Variants in PCSK2 observed in about 807,000 individuals in gnomAD.
PCSK2 encodes the protein neuroendocrine convertase 2.
Under a neutral mutation model 69.7 loss-of-function variants are expected in PCSK2, and 14 were observed. The ratio of observed to expected loss-of-function variants is 0.20; its 90% CI spans 0.13 to 0.31. PCSK2 has a LOEUF of 0.31. PCSK2 is among the 10% of genes least tolerant of loss of function. The pLI, the probability that PCSK2 is intolerant of heterozygous loss-of-function variation, is 1.00. For missense variants in PCSK2, 544 were observed against 842.5 expected (o/e 0.65, Z 4.39); for synonymous variants, 307 against 320.7 (o/e 0.96, Z 0.46).
chr20:17,362,972 A>G (rs2030452973), intron 4 of PCSK2, among the ~76,000 whole-genome samples: 1 of 152,230 alleles, frequency 6.6e-6, no homozygotes, highest in Non-Finnish European at 1.5e-5. Flanking sequence ...AAGGCTGGCA[A>G]CATCAGTACT....
chr20:17,412,286 A>G (rs1394108115), intron 6 of PCSK2, among the ~76,000 whole-genome samples: 1 of 152,204 alleles, frequency 6.6e-6, no homozygotes, highest in Non-Finnish European at 1.5e-5. Flanking sequence ...ACCTTGAAAA[A>G]AGGTTAGATG....
chr20:17,471,827 C>T (rs955320630), intron 11 of PCSK2, among the ~76,000 whole-genome samples: 9 of 152,172 alleles, frequency 5.9e-5, no homozygotes, highest in East Asian at 5.8e-4. Context: ...CTTGTGACCA[C>T]GAAGCACACT....
chr20:17,343,038 G>A (rs1263941369), intron 2 of PCSK2, among the ~76,000 whole-genome samples: 11 of 152,096 alleles, frequency 7.2e-5, no homozygotes, highest in Non-Finnish European at 1.5e-4. Context: ...TGTACAGAAA[G>A]CTTAAAAAAC....
intron 5 of PCSK2, among the ~76,000 whole-genome samples, chr20:17,407,222 G>C (rs2031771521): frequency 6.6e-6 from 1 of 152,088 alleles, no homozygotes. Flanking sequence ...GCCTCTCTGA[G>C]GTTGGACATC....
chr20:17,416,424 C>T (rs1349037476), intron 6 of PCSK2, among the ~76,000 whole-genome samples: 1 of 152,202 alleles, frequency 6.6e-6, no homozygotes, highest in African/African-American at 2.4e-5. Flanking sequence ...TGAAAAAATG[C>T]TCATCATCAT....
chr20:17,369,995 A>C (rs936858181), intron 5 of PCSK2, among the ~76,000 whole-genome samples: 14 of 152,220 alleles, frequency 9.2e-5, no homozygotes, highest in Non-Finnish European at 1.9e-4. Context: ...AATCACCAAA[A>C]GCCCTGCTGG....
chr20:17,289,929 G>A (rs1439803260), intron 2 of PCSK2, among the ~76,000 whole-genome samples: 2 of 152,098 alleles, frequency 1.3e-5, no homozygotes, highest in Admixed American at 1.3e-4. Context: ...ACTCTTTAAT[G>A]TACATCTGAT....
At chr20:17,393,679 C>G (rs35968152) in intron 5 of PCSK2, among the ~76,000 whole-genome samples, 13,486 of 152,038 alleles carry the variant, frequency 0.089, 721 homozygotes, top group Non-Finnish European at 0.12. Flanking sequence ...TCTCTTGTTT[C>G]AATTGTATTA....
At chr20:17,465,221 A>G (rs1180586158) in intron 10 of PCSK2, 105 bp from the exon 11 acceptor site, 2 of 820,306 alleles carry the variant, frequency 2.4e-6, no homozygotes, top group Admixed American at 4.0e-5. Context: ...AAATCTTACA[A>G]GAGGTCTGTG....
At chr20:17,292,851 G>T (rs1039033979) in intron 2 of PCSK2, among the ~76,000 whole-genome samples, 2 of 152,054 alleles carry the variant, frequency 1.3e-5, no homozygotes, top group Non-Finnish European at 2.9e-5. Context: ...GTTTGAGAGT[G>T]TCTAGCTTTG....
chr20:17,246,215 A>G (rs918814329), intron 1 of PCSK2, among the ~76,000 whole-genome samples: 2 of 152,180 alleles, frequency 1.3e-5, no homozygotes, highest in African/African-American at 4.8e-5. Flanking sequence ...TATTTAGGCA[A>G]CATGTCAGTA....
chr20:17,429,476 A>G lies in PCSK2; in HGVS notation c.662A>G (p.Asn221Ser), dbSNP rs1001393335. 1 of 1,613,954 alleles carries G rather than the reference A, an allele frequency of 6.2e-7. No homozygotes were observed. Among genetic ancestry groups the G allele is most frequent in the Non-Finnish European group, 8.5e-7 (1 of 1,179,920 alleles). The change falls in exon 7 of 12, where the codon AAC becomes AGC. Residue 221 changes from asparagine to serine, a missense_variant. Transcript: ENST00000262545. ...GCAGGAGAAGTTTCTGCTGCCGCCA[A>G]CAACAATATCTGTGGAGTTGGAGTA... ...RCAGEVSAAA[N>S]NNICGVGVAY...
rs749583617 is a variant in PCSK2, at chr20:17,456,458, T to A, written c.1202+10T>A. On this transcript the variant is annotated intron_variant, in intron 10 of 11. Transcript: ENST00000262545. Reference sequence around the variant, plus strand: ...TGGCTCTGGAGGCTAAGTATGTTCATAGCTCTGGGTCCAGGGCCAGCTCTG... The same window carrying A: ...TGGCTCTGGAGGCTAAGTATGTTCAAAGCTCTGGGTCCAGGGCCAGCTCTG... The A allele has an allele frequency of 6.7e-7, 1 of 1,492,920 alleles. No homozygotes were observed. The highest frequency in any genetic ancestry group is 1.1e-5 in the South Asian group (1 of 88,498). The allele number at this position is 1,492,920 out of a possible 1,614,324, so 92.5% of individuals were successfully genotyped here.
intron 1 of PCSK2, among the ~76,000 whole-genome samples, chr20:17,243,144 A>G (rs1986645615): frequency 6.6e-6 from 1 of 152,244 alleles, no homozygotes; most frequent in Non-Finnish European, 1.5e-5. Context: ...ATAAAAATAA[A>G]TAAATAAAAG....
intron 9 of PCSK2, 99 bp from the exon 10 acceptor site, chr20:17,456,249 T>C: frequency 1.5e-6 from 1 of 657,750 alleles, no homozygotes; most frequent in Non-Finnish European, 2.7e-6. Context: ...AATAAATAAA[T>C]GAATAAATAA....
intron 2 of PCSK2, among the ~76,000 whole-genome samples, chr20:17,323,677 A>T (rs1013924037): frequency 5.3e-5 from 8 of 152,244 alleles, no homozygotes; most frequent in East Asian, 1.9e-4. Context: ...AAGCTTTGTT[A>T]TATGTTTCTT....
chr20:17,364,436 C>T (rs1231260132), intron 4 of PCSK2, among the ~76,000 whole-genome samples: 1 of 152,186 alleles, frequency 6.6e-6, no homozygotes, highest in Non-Finnish European at 1.5e-5. Context: ...GTTTAATAGA[C>T]TCACAGTTCC....
intron 4 of PCSK2, among the ~76,000 whole-genome samples, chr20:17,367,252 T>C (rs1269990026): frequency 6.6e-6 from 1 of 152,230 alleles, no homozygotes; most frequent in Non-Finnish European, 1.5e-5. Context: ...TTTTTTAATG[T>C]TTCTTTTCTT....
At chr20:17,474,625 C>T (rs914607073) in intron 11 of PCSK2, among the ~76,000 whole-genome samples, 12 of 152,256 alleles carry the variant, frequency 7.9e-5, no homozygotes, top group African/African-American at 2.2e-4. Context: ...TCCCCATGAG[C>T]GTGGGGCTCC....
Sources: gnomAD v4.1 joint callset for allele counts (sites outside exome capture counted in the v4.1 genomes callset) on GRCh38, gnomAD v4.1.1 for gene constraint, MANE v1.5 for transcripts, NCBI Gene and HGNC (gene_info 2026-07-23, HGNC 2026-07-21) for gene names.